FAF1: variants seen among roughly 807,000 people sequenced by gnomAD.
FAF1 encodes FAS-associated factor 1.
In FAF1, 25 loss-of-function variants were observed where a neutral mutation model predicts 92.5. That is an observed-to-expected ratio of 0.27 (90% CI 0.20 to 0.38). FAF1 has a LOEUF of 0.38. FAF1 is among the 10% of genes least tolerant of loss of function. The pLI, the probability that FAF1 is intolerant of heterozygous loss-of-function variation, is 1.00. For missense variants in FAF1, 636 were observed against 793.3 expected (o/e 0.80, Z 2.38); for synonymous variants, 234 against 273.2 (o/e 0.86, Z 1.42).
At chr1:50,775,034 G>GTCC (rs1222962947) in intron 4 of FAF1, among the ~76,000 whole-genome samples, 6 of 152,118 alleles carry the variant, frequency 3.9e-5, no homozygotes, top group Middle Eastern at 3.4e-3. Flanking sequence ...TGGTAATAAC[G>GTCC]TGGAAAAGGT....
In FAF1 at chr1:50,567,209, A is replaced by AG; in HGVS notation, c.1135dup (p.Leu379ProfsTer4). Reference sequence around the variant, plus strand: ...GGTTAACACACTTTCATCATGGTGGAGGTAGATAGCAAGAAGCTTTCTCTG... The same window carrying AG: ...GGTTAACACACTTTCATCATGGTGGAGGGTAGATAGCAAGAAGCTTTCTCTG... On this transcript the variant is annotated frameshift_variant, in exon 13 of 19. Coordinates refer to ENST00000396153, the MANE Select transcript of FAF1 (RefSeq NM_007051.3). LOFTEE classifies it high-confidence loss of function. 1 of 1,606,854 alleles carries AG rather than the reference A, an allele frequency of 6.2e-7. No individual in the cohort carries two copies. Among genetic ancestry groups the AG allele is most frequent in the Non-Finnish European group, 8.5e-7 (1 of 1,176,178 alleles).
chr1:50,468,092 C>A (rs977089105), intron 18 of FAF1, among the ~76,000 whole-genome samples: 2 of 151,842 alleles, frequency 1.3e-5, no homozygotes, highest in African/African-American at 4.8e-5. Context: ...ACCTGTGGTC[C>A]CAGCTACTCG....
At chr1:50,455,180 G>T (rs1646336717) in intron 18 of FAF1, among the ~76,000 whole-genome samples, 1 of 152,202 alleles carries the variant, frequency 6.6e-6, no homozygotes, top group Admixed American at 6.5e-5. Flanking sequence ...GGGGCTGACA[G>T]TAAGTCTGCA....
intron 2 of FAF1, among the ~76,000 whole-genome samples, chr1:50,816,345 C>G (rs570461689): frequency 6.6e-6 from 1 of 151,776 alleles, no homozygotes; most frequent in African/African-American, 2.4e-5. Flanking sequence ...GCTGGGAGTA[C>G]AGGCGCCTGC....
chr1:50,848,289 C>A (rs1644319190), intron 2 of FAF1, among the ~76,000 whole-genome samples: 1 of 152,060 alleles, frequency 6.6e-6, no homozygotes, highest in Non-Finnish European at 1.5e-5. Context: ...AAGTAAATTG[C>A]ATGACAAAAA....
At chr1:50,921,596 T>C (rs1165907353) in intron 1 of FAF1, among the ~76,000 whole-genome samples, 1 of 151,088 alleles carries the variant, frequency 6.6e-6, no homozygotes, top group Admixed American at 6.6e-5. Flanking sequence ...ATCCTGTCTC[T>C]ACTAAAAATA....
intron 1 of FAF1, among the ~76,000 whole-genome samples, chr1:50,866,472 G>A (rs1315023948): frequency 6.6e-6 from 1 of 152,038 alleles, no homozygotes; most frequent in African/African-American, 2.4e-5. Context: ...TCCTAGATAT[G>A]ATAAATGAAT....
chr1:50,641,045 G>A (rs1314886099), intron 8 of FAF1, among the ~76,000 whole-genome samples: 1 of 151,882 alleles, frequency 6.6e-6, no homozygotes, highest in East Asian at 1.9e-4. Flanking sequence ...TGTTGGCCAG[G>A]ATGGTCTCGA....
At chr1:50,728,602 C>A (rs900729592) in intron 6 of FAF1, among the ~76,000 whole-genome samples, 2 of 151,684 alleles carry the variant, frequency 1.3e-5, no homozygotes, top group African/African-American at 4.8e-5. Flanking sequence ...ACCAGCCTAG[C>A]CAACATAGTG....
chr1:50,719,069 C>T (rs1658303933), intron 6 of FAF1, among the ~76,000 whole-genome samples: 1 of 152,132 alleles, frequency 6.6e-6, no homozygotes, highest in Admixed American at 6.5e-5. Flanking sequence ...GAAAATCTGG[C>T]ACATATGTAA....
At chr1:50,511,501 G>A (rs1647134031) in intron 15 of FAF1, among the ~76,000 whole-genome samples, 1 of 151,862 alleles carries the variant, frequency 6.6e-6, no homozygotes, top group Non-Finnish European at 1.5e-5. Context: ...TGTGGTGTTT[G>A]GTTTTCTGTT....
At chr1:50,446,428 G>C (rs1408969340) in intron 18 of FAF1, among the ~76,000 whole-genome samples, 1 of 152,172 alleles carries the variant, frequency 6.6e-6, no homozygotes, top group African/African-American at 2.4e-5. Flanking sequence ...GAGCATTTCA[G>C]ATTTTGGATG....
At chr1:50,740,570 T>C (rs1462859949) in intron 5 of FAF1, among the ~76,000 whole-genome samples, 1 of 152,180 alleles carries the variant, frequency 6.6e-6, no homozygotes, top group Admixed American at 6.5e-5. Context: ...GCGTTTCCTA[T>C]TGTATTCTAT....
chr1:50,762,048 G>A (rs976118249), intron 4 of FAF1, among the ~76,000 whole-genome samples: 1 of 152,062 alleles, frequency 6.6e-6, no homozygotes, highest in African/African-American at 2.4e-5. Context: ...ACCAATAACA[G>A]ACAAACAGAG....
intron 6 of FAF1, among the ~76,000 whole-genome samples, chr1:50,731,863 G>C (rs772199374): frequency 1.3e-5 from 2 of 151,978 alleles, no homozygotes; most frequent in Non-Finnish European, 2.9e-5. Context: ...ATGCATGGGG[G>C]ATTTGGGATA....
intron 4 of FAF1, among the ~76,000 whole-genome samples, chr1:50,775,772 A>C (rs1660935563): frequency 1.3e-5 from 2 of 152,132 alleles, no homozygotes; most frequent in Admixed American, 1.3e-4. Context: ...AAAAAAGGAG[A>C]GATTCAGTCA....
intron 13 of FAF1, among the ~76,000 whole-genome samples, chr1:50,542,532 T>C (rs1474023561): frequency 6.6e-6 from 1 of 152,232 alleles, no homozygotes; most frequent in African/African-American, 2.4e-5. Context: ...ATTTTCTTCC[T>C]TTTGAAGAGA....
intron 12 of FAF1, among the ~76,000 whole-genome samples, chr1:50,576,638 C>G (rs376229716): frequency 3.3e-4 from 49 of 150,388 alleles, no homozygotes; most frequent in African/African-American, 1.0e-3. Context: ...GCACCGCCCC[C>G]CCCCCGCCAC....
At chr1:50,795,286 G>GA (rs1221168319) in intron 3 of FAF1, among the ~76,000 whole-genome samples, 1 of 152,280 alleles carries the variant, frequency 6.6e-6, no homozygotes, top group Non-Finnish European at 1.5e-5. Context: ...TATCTTCTCT[G>GA]AAAAAGACAC....
Sources: gnomAD v4.1 joint callset for allele counts (sites outside exome capture counted in the v4.1 genomes callset) on GRCh38, gnomAD v4.1.1 for gene constraint, MANE v1.5 for transcripts, NCBI Gene and HGNC (gene_info 2026-07-23, HGNC 2026-07-21) for gene names.